TASOR: variants seen among roughly 807,000 people sequenced by gnomAD.
TASOR encodes the protein transcription activation suppressor, also known as protein TASOR.
A neutral mutation model predicts 178.6 loss-of-function variants in TASOR; 53 were observed. The ratio of observed to expected loss-of-function variants is 0.30; its 90% CI spans 0.24 to 0.37. The LOEUF (loss-of-function observed/expected upper bound fraction) is 0.37, where lower values mean the gene tolerates loss of function less well. Ranked by LOEUF, TASOR falls within the 10% of genes least tolerant of loss-of-function variation. The probability of loss-of-function intolerance (pLI) is 1.00; values close to 1 mark genes in which losing one functional copy is unlikely to be tolerated. For synonymous variants in TASOR, 713 were observed against 696.2 expected (o/e 1.02, Z -0.38); for missense variants, 1,815 against 1,971.4 (o/e 0.92, Z 1.50).
intron 3 of TASOR, among the ~76,000 whole-genome samples, chr3:56,670,996 T>C (rs1416564000): frequency 1.7e-5 from 2 of 115,582 alleles, no homozygotes; most frequent in Non-Finnish European, 3.6e-5. Flanking sequence ...GAATCAACAA[T>C]ATAGAAGATA....
At chr3:56,642,902 G>T (rs1252540989) in intron 14 of TASOR, among the ~76,000 whole-genome samples, 1 of 152,148 alleles carries the variant, frequency 6.6e-6, no homozygotes, top group African/African-American at 2.4e-5. Flanking sequence ...CTTGAACCCA[G>T]GAGGCGGAGG....
At chr3:56,632,164 C>G (rs1004085390) in intron 18 of TASOR, among the ~76,000 whole-genome samples, 13 of 151,872 alleles carry the variant, frequency 8.6e-5, no homozygotes, top group Non-Finnish European at 1.8e-4. Context: ...GTTTTTTTCC[C>G]TCCTCTTCAT....
rs761419917 is a variant in TASOR, at chr3:56,633,949, C to G, written c.2842G>C (p.Glu948Gln). Residue 948 changes from glutamate (E) to glutamine (Q), a missense_variant, in exon 18 of 24, where the codon GAA becomes CAA. Around this residue, in one of 5 missense-constraint regions of TASOR, gnomAD observed 655 missense variants for 671.1 expected, o/e 0.98. Transcript: ENST00000683822. The stretch of plus-strand genomic sequence containing the variant: ...TGTGGTGGCACACACACCAGTTGTT[C>G]TTCTGGTGATTTCATACCTATACAG... ...KQTPGMKSPE[E>Q]QLVCVPPQEA... is the part of the protein sequence containing the mutation. 4.3e-5 allele frequency: 67 copies of G among 1,547,526 alleles called. No homozygotes were observed. Among genetic ancestry groups the G allele is most frequent in the Non-Finnish European group, 5.2e-5 (60 of 1,145,444 alleles).
intron 16 of TASOR, 133 bp downstream of exon 16, chr3:56,639,853 C>G: frequency 1.4e-6 from 1 of 714,064 alleles, no homozygotes; most frequent in Non-Finnish European, 2.3e-6. Flanking sequence ...AAATAAGACA[C>G]TGAAGATGTC....
Position 56,627,075 on chromosome 3 carries a change from G to T in TASOR, c.4101C>A (p.Val1367=). The stretch of plus-strand genomic sequence containing the variant: ...TTAGTTTCTTCTGAAATTTACAGTG[G>T]ACTTTCCATTGCCATTTTCCTTCTG... ...STPEGKWQWK[V]HCKFQKKLKE... Residue 1367 remains valine (V), a synonymous_variant, in exon 21 of 24, where the codon GTC becomes GTA. Coordinates refer to ENST00000683822, the MANE Select transcript of TASOR (RefSeq NM_001365635.2). The T allele has an allele frequency of 6.2e-7, 1 of 1,612,538 alleles. No homozygotes were observed. Among genetic ancestry groups the T allele is most frequent in the Non-Finnish European group, 8.5e-7 (1 of 1,179,252 alleles).
chr3:56,640,343 G>T (rs754655108), intron 15 of TASOR, among the ~76,000 whole-genome samples: 1 of 152,112 alleles, frequency 6.6e-6, no homozygotes, highest in Non-Finnish European at 1.5e-5. Flanking sequence ...ATTGGTAAAC[G>T]TTTGTGCTGA....
At position 56,663,111 on chromosome 3, in the gene TASOR, A is replaced by G. The variant is rs550462309; in HGVS notation, c.1054+430T>C. 3.9e-5 allele frequency among the ~76,000 whole-genome samples: 6 copies of G among 152,244 alleles called. No homozygotes were observed. The South Asian group carries it at 1.2e-3, about 32-fold the overall frequency. On this transcript the variant is annotated intron_variant, in intron 8 of 23. Coordinates refer to ENST00000683822, the MANE Select transcript of TASOR (RefSeq NM_001365635.2). ...GGCTGGAGAATCGCTGGAACCCAGG[A>G]GGCAGAGGTTGCAGTGAGCCGAGAT... is the stretch of plus-strand genomic sequence containing the variant.
chr3:56,623,933 G>T, intron 23 of TASOR: 2 of 982,248 alleles, frequency 2.0e-6, no homozygotes, highest in Non-Finnish European at 3.0e-6. Flanking sequence ...TAAACTAGTT[G>T]GTTAGCACTA....
At chr3:56,642,875 CT>C (rs2077155267) in intron 14 of TASOR, among the ~76,000 whole-genome samples, 1 of 152,254 alleles carries the variant, frequency 6.6e-6, no homozygotes, top group Admixed American at 6.5e-5. Flanking sequence ...ACTTGGGAGG[CT>C]GAGGCAGGAG....
chr3:56,666,331 A>G lies in TASOR; in HGVS notation c.951T>C (p.Val317=), dbSNP rs1156711374. ...TAAAAGACACAACTGCATATGGACA[A>G]ACGTGTCTTGGTCTTCGCCTTAGCT... The part of the protein sequence containing the change: ...FDELRRRPRH[V]CPYAVVSFTY... The change falls in exon 7 of 24, where the codon GTT becomes GTC. Residue 317 remains valine, a synonymous_variant. Coordinates refer to ENST00000683822, the MANE Select transcript of TASOR (RefSeq NM_001365635.2). 4 of 1,546,736 alleles carry G rather than the reference A, an allele frequency of 2.6e-6. No individual in the cohort carries two copies. The highest frequency in any genetic ancestry group is 4.0e-5 in the Admixed American group (2 of 50,410).
chr3:56,662,378 T>C lies in TASOR; in HGVS notation c.1160+7A>G, dbSNP rs1465845544. 2 of 1,473,784 alleles carry C rather than the reference T, an allele frequency of 1.4e-6. No individual in the cohort carries two copies. Among genetic ancestry groups the C allele is most frequent in the Admixed American group, 2.0e-5 (1 of 50,618 alleles). 91.3% of individuals were successfully genotyped at this position (1,473,784 alleles called of 1,614,324 possible). On this transcript the variant is annotated splice_region_variant and intron_variant, in intron 9 of 23. Coordinates refer to ENST00000683822, the MANE Select transcript of TASOR (RefSeq NM_001365635.2). The stretch of plus-strand genomic sequence containing the variant: ...GCAACCACGAACTGCTCTTTACTTA[T>C]ACTTACAGTTTGATAGGCAAAAAAG...
At chr3:56,651,079 G>C (rs1050004538) in intron 11 of TASOR, among the ~76,000 whole-genome samples, 2 of 151,974 alleles carry the variant, frequency 1.3e-5, no homozygotes, top group African/African-American at 4.8e-5. Context: ...TGTATTTTAA[G>C]GGGGCCCAAT....
chr3:56,682,695 C>T lies in TASOR; in HGVS notation c.312G>A (p.Arg104=). Residue 104 remains arginine (R), a synonymous_variant, in exon 1 of 24, where the codon AGG becomes AGA. Coordinates refer to ENST00000683822, the MANE Select transcript of TASOR (RefSeq NM_001365635.2). The part of the protein sequence containing the change: ...RPVRRSFQIP[R]KSREKKALFQ... ...CACCACCTTTCTTTTCTCTGCTCTT[C>T]CTGGGGATCTGAAAACTCCTCCTAA... The T allele has an allele frequency of 6.8e-7, 1 of 1,478,884 alleles. No homozygotes were observed. The highest frequency in any genetic ancestry group is 9.0e-7 in the Non-Finnish European group (1 of 1,112,126). The allele number at this position is 1,478,884 out of a possible 1,614,324, so 91.6% of individuals were successfully genotyped here.
At chr3:56,671,383 C>T in intron 3 of TASOR, 1 of 448,336 alleles carries the variant, frequency 2.2e-6, no homozygotes, top group East Asian at 3.6e-5. Flanking sequence ...TTATCAAGCA[C>T]ATTCTAGGGG....
At chr3:56,632,302 C>G (rs891079576) in intron 18 of TASOR, among the ~76,000 whole-genome samples, 2 of 151,898 alleles carry the variant, frequency 1.3e-5, no homozygotes, top group South Asian at 4.2e-4. Context: ...GAAACCCCAC[C>G]TCTACTAAAA....
rs900675374 is a variant in TASOR, at chr3:56,666,216, T to A, written c.1022+44A>T. The A allele has an allele frequency of 2.7e-6, 4 of 1,463,032 alleles. No individual in the cohort carries two copies. The South Asian group carries it at 4.5e-5, about 17-fold the overall frequency. The allele number at this position is 1,463,032 out of a possible 1,614,324, so 90.6% of individuals were successfully genotyped here. On this transcript the variant is annotated intron_variant, in intron 7 of 23. Transcript: ENST00000683822. ...TAACTCAGTAGTACAGGATCTGTAG[T>A]AGAATTATCACTGCGGATGATGTCT... is the stretch of plus-strand genomic sequence containing the variant.
chr3:56,682,336 C>A (rs1023444381), intron 1 of TASOR, among the ~76,000 whole-genome samples: 1 of 145,186 alleles, frequency 6.9e-6, no homozygotes, highest in Admixed American at 6.8e-5. Flanking sequence ...TTCTCAGAAG[C>A]ATCCTTAGGA....
chr3:56,651,659 G>A (rs1028007572), intron 11 of TASOR, among the ~76,000 whole-genome samples: 8 of 150,570 alleles, frequency 5.3e-5, no homozygotes, highest in South Asian at 4.2e-4. Context: ...ATTGTGCCAC[G>A]CACTATAGCA....
chr3:56,632,291 T>G (rs533521173), intron 18 of TASOR, among the ~76,000 whole-genome samples: 2 of 151,884 alleles, frequency 1.3e-5, no homozygotes, highest in South Asian at 4.2e-4. Context: ...ATCAACATGG[T>G]GAAACCCCAC....
Sources: allele counts gnomAD v4.1 joint callset (sites outside exome capture counted in the v4.1 genomes callset), GRCh38; gene constraint gnomAD v4.1.1; regional missense constraint gnomAD v4.1.1; transcripts MANE v1.5; gene names NCBI Gene and HGNC (gene_info 2026-07-23, HGNC 2026-07-21).